The following ABL2 variants were observed in gnomAD, a reference collection of about 807,000 sequenced individuals.
ABL2 encodes ABL proto-oncogene 2, non-receptor tyrosine kinase.
ABL2 carries 49 observed loss-of-function variants against 107.7 expected under a neutral mutation model. The ratio of observed to expected loss-of-function variants is 0.45; its 90% CI spans 0.36 to 0.58. The LOEUF is 0.58. ABL2 is among the 20% of genes least tolerant of loss of function. ABL2 has a pLI of 0.00. For missense variants in ABL2, 1,245 were observed against 1,457.0 expected (o/e 0.85, Z 2.37); for synonymous variants, 549 against 548.6 (o/e 1.00, Z -0.01).
At chr1:179,139,846 G>C (rs1389499193) in intron 1 of ABL2, among the ~76,000 whole-genome samples, 1 of 152,146 alleles carries the variant, frequency 6.6e-6, no homozygotes, top group Admixed American at 6.5e-5. Flanking sequence ...TAGGTTGAAT[G>C]CTCCTTATGA....
chr1:179,174,918 A>T lies in ABL2; in HGVS notation c.158-41544T>A, dbSNP rs867411146. 2.5e-4 allele frequency among the ~76,000 whole-genome samples: 28 copies of T among 111,312 alleles called. No homozygotes were observed. The South Asian group carries it at 4.9e-3, about 19-fold the overall frequency. The allele number at this position is 111,312 out of a possible 152,430, so 73.0% of individuals were successfully genotyped here. On this transcript the variant is annotated intron_variant, in intron 1 of 11. Transcript: ENST00000502732. ...CTCAAAAAAAAAAAAATAAAATAAA[A>T]AAAATAATAATAATAATAATAATAA...
In ABL2 at chr1:179,109,307, TGAA is replaced by T. The variant is rs1444355681; in HGVS notation, c.1957_1959del (p.Phe653del). On this transcript the variant is annotated inframe_deletion, in exon 12 of 12. Transcript: ENST00000502732. ...GCATTTCTCTTCTTCATGAAGGAGCTGAAGAAGCCCCCCTTCCTATCCCTGGTG... is the reference window on the plus strand; with the variant it reads ...GCATTTCTCTTCTTCATGAAGGAGCTGAAGCCCCCCTTCCTATCCCTGGTG... 8.7e-6 allele frequency: 14 copies of T among 1,613,966 alleles called. No individual in the cohort carries two copies. The highest frequency in any genetic ancestry group is 6.7e-5 in the Admixed American group (4 of 59,984).
At chr1:179,150,076 A>T (rs977848076) in intron 1 of ABL2, among the ~76,000 whole-genome samples, 56 of 150,340 alleles carry the variant, frequency 3.7e-4, no homozygotes, top group Middle Eastern at 3.2e-3. Context: ...TAAAAAAAAA[A>T]TTTTTTTTTT....
Position 179,229,628 on chromosome 1 carries a change from CCCAACGCCGCCGCCGCCGCCG to C in ABL2, c.-252_-232del. ...CCTCCTCCTGTCGCGGCTCCGCGCC[CCCAACGCCGCCGCCGCCGCCG>C]CCGCCACCGCCGCCGCCATCTTTAA... is the stretch of plus-strand genomic sequence containing the variant. On this transcript the variant is annotated 5_prime_UTR_variant, in exon 1 of 12. Coordinates refer to ENST00000502732, the MANE Select transcript of ABL2 (RefSeq NM_007314.4). The C allele has an allele frequency of 2.1e-6, 1 of 481,174 alleles. No homozygotes were observed. The highest frequency in any genetic ancestry group is 3.5e-6 in the Non-Finnish European group (1 of 284,250). 29.8% of individuals were successfully genotyped at this position (481,174 alleles called of 1,614,324 possible). A position where few individuals can be genotyped will look rare whatever the true frequency, so the allele number is the denominator to read the frequency against.
At chr1:179,222,084 A>C (rs1388457402) in intron 1 of ABL2, 1 of 186,868 alleles carries the variant, frequency 5.4e-6, no homozygotes, top group Non-Finnish European at 1.2e-5. Context: ...GGAGATGATC[A>C]CTTTTTAGCA....
At position 179,186,535 on chromosome 1, in the gene ABL2, T is replaced by C. The variant is rs946063473; in HGVS notation, c.157+42706A>G. ...CTGGGATTACAGGCGCCCACCACCATGCCCAGCTAATTTTTTTGTATTTTT... is the reference window on the plus strand; with the variant it reads ...CTGGGATTACAGGCGCCCACCACCACGCCCAGCTAATTTTTTTGTATTTTT... On this transcript the variant is annotated intron_variant, in intron 1 of 11. Coordinates refer to ENST00000502732, the MANE Select transcript of ABL2 (RefSeq NM_007314.4). Among the ~76,000 whole-genome samples, 6 of 151,936 alleles carry C rather than the reference T, an allele frequency of 3.9e-5. No individual in the cohort carries two copies. In the East Asian group the frequency reaches 9.8e-4, roughly 25 times the overall value.
chr1:179,160,099 G>A (rs1658971370), intron 1 of ABL2, among the ~76,000 whole-genome samples: 1 of 152,144 alleles, frequency 6.6e-6, no homozygotes, highest in Non-Finnish European at 1.5e-5. Flanking sequence ...GGGTGACAGA[G>A]TGAGACTCCA....
chr1:179,173,694 C>T (rs929303919), intron 1 of ABL2, among the ~76,000 whole-genome samples: 1 of 151,950 alleles, frequency 6.6e-6, no homozygotes, highest in Admixed American at 6.6e-5. Context: ...TTACTTTGCC[C>T]CAAACAATAC....
chr1:179,210,630 A>G (rs941117800), intron 1 of ABL2, among the ~76,000 whole-genome samples: 1 of 151,956 alleles, frequency 6.6e-6, no homozygotes, highest in African/African-American at 2.4e-5. Flanking sequence ...AGGTGGGCGC[A>G]TCACGAGGTC....
rs1228823347 is a variant in ABL2 at position 179,103,342 on chromosome 1, A to G, written c.*4376T>C. On this transcript the variant is annotated 3_prime_UTR_variant, in exon 12 of 12. Transcript: ENST00000502732. ...TTCAGGTACCCCACAGGGTCCATCC[A>G]CATTGAATCAACTGTCTTATCTTTT... The G allele has an allele frequency of 1.9e-5, 4 of 205,848 alleles. No homozygotes were observed. Among genetic ancestry groups the G allele is most frequent in the African/African-American group, 9.1e-5 (4 of 43,830 alleles). The allele number at this position is 205,848 out of a possible 1,614,324, so 12.8% of individuals were successfully genotyped here. A position where few individuals can be genotyped will look rare whatever the true frequency, so the allele number is the denominator to read the frequency against.
intron 1 of ABL2, among the ~76,000 whole-genome samples, chr1:179,215,767 G>A (rs1348919813): frequency 2.0e-5 from 3 of 151,370 alleles, no homozygotes; most frequent in Non-Finnish European, 4.4e-5. Context: ...AAAACCTTCA[G>A]GTATCAACCT....
intron 1 of ABL2, among the ~76,000 whole-genome samples, chr1:179,164,247 A>G (rs555973432): frequency 2.4e-4 from 36 of 152,362 alleles, no homozygotes; most frequent in African/African-American, 8.2e-4. Context: ...GCACATTTTC[A>G]TGCCAGTTAT....
At chr1:179,178,759 C>CT (rs991757340) in intron 1 of ABL2, among the ~76,000 whole-genome samples, 14 of 151,700 alleles carry the variant, frequency 9.2e-5, no homozygotes, top group African/African-American at 3.4e-4. Context: ...GTGTGGTGGG[C>CT]TGGGGGGGGT....
intron 1 of ABL2, among the ~76,000 whole-genome samples, chr1:179,219,457 A>T (rs189464837): frequency 3.0e-4 from 46 of 152,340 alleles, no homozygotes; most frequent in Middle Eastern, 3.4e-3. Flanking sequence ...AAAGTCATTT[A>T]AAAAAGTCAT....
intron 1 of ABL2, among the ~76,000 whole-genome samples, chr1:179,160,076 T>A (rs1280845366): frequency 6.6e-6 from 1 of 152,128 alleles, no homozygotes; most frequent in Non-Finnish European, 1.5e-5. Flanking sequence ...ATGGCGCCAC[T>A]GCACGCCAGC....
At chr1:179,136,873 C>T (rs1023264768) in intron 1 of ABL2, among the ~76,000 whole-genome samples, 1 of 149,172 alleles carries the variant, frequency 6.7e-6, no homozygotes, top group African/African-American at 2.5e-5. Context: ...CCAAGATCGC[C>T]GCTGTGCTCC....
intron 1 of ABL2, among the ~76,000 whole-genome samples, chr1:179,176,012 C>T (rs1177501959): frequency 2.0e-5 from 3 of 151,848 alleles, no homozygotes; most frequent in Non-Finnish European, 4.4e-5. Flanking sequence ...TGTGCCACCA[C>T]GCCCGGCTAA....
intron 1 of ABL2, among the ~76,000 whole-genome samples, chr1:179,192,036 T>C (rs946204600): frequency 4.6e-5 from 7 of 152,240 alleles, no homozygotes; most frequent in Non-Finnish European, 8.8e-5. Context: ...GAGTAACTTA[T>C]ACTTGGTGAC....
In ABL2 at chr1:179,168,384, AT is replaced by A. The variant is rs142637024; in HGVS notation, c.158-35011del. Among the ~76,000 whole-genome samples, 1,436 of 149,456 alleles carry A rather than the reference AT, an allele frequency of 9.6e-3. 19 individuals carry two copies. The highest frequency in any genetic ancestry group is 0.033 in the African/African-American group (1,344 of 40,756). On this transcript the variant is annotated intron_variant, in intron 1 of 11. Coordinates refer to ENST00000502732, the MANE Select transcript of ABL2 (RefSeq NM_007314.4). ...AAATAGTTGTTATACTGTATTTGTT[AT>A]TTTTTTTTTCCGTTGTATATTTTTT...
Sources: allele counts gnomAD v4.1 joint callset (sites outside exome capture counted in the v4.1 genomes callset), GRCh38; gene constraint gnomAD v4.1.1; transcripts MANE v1.5; gene names NCBI Gene and HGNC (gene_info 2026-07-23, HGNC 2026-07-21).